CCR3: variants seen among roughly 807,000 people sequenced by gnomAD.
CCR3 encodes the protein C-C chemokine receptor type 3.
For missense variants in CCR3, 419 were observed against 437.5 expected (o/e 0.96, Z 0.38); for synonymous variants, 203 against 179.2 (o/e 1.13, Z -1.06).
At chr3:46,217,846 C>A (rs1230551510) in intron 2 of CCR3, among the ~76,000 whole-genome samples, 1 of 151,602 alleles carries the variant, frequency 6.6e-6, no homozygotes, top group Non-Finnish European at 1.5e-5. Flanking sequence ...TAGCATTAAA[C>A]CCCTACATCA....
chr3:46,240,535 C>T (rs1021290859), upstream of CCR3, among the ~76,000 whole-genome samples: 1 of 152,156 alleles, frequency 6.6e-6, no homozygotes, highest in Non-Finnish European at 1.5e-5. Context: ...CCCTTCAGCC[C>T]ACATGGTCCT....
chr3:46,258,274 A>C (rs7652290), intron 1 of CCR3, among the ~76,000 whole-genome samples: 7 of 152,036 alleles, frequency 4.6e-5, no homozygotes, highest in African/African-American at 1.7e-4. Flanking sequence ...TTAATTTCCA[A>C]ATAAAGATAA....
chr3:46,216,316 C>T (rs1323337306), intron 2 of CCR3, among the ~76,000 whole-genome samples: 1 of 152,138 alleles, frequency 6.6e-6, no homozygotes, highest in Non-Finnish European at 1.5e-5. Context: ...GTACTATGTA[C>T]ACACTGCACA....
At chr3:46,217,642 G>A (rs1019342488) in intron 2 of CCR3, among the ~76,000 whole-genome samples, 1 of 151,982 alleles carries the variant, frequency 6.6e-6, no homozygotes, top group Non-Finnish European at 1.5e-5. Context: ...AATAAAATTG[G>A]AAATTAAAAG....
chr3:46,248,563 A>T (rs960837064), intron 1 of CCR3, among the ~76,000 whole-genome samples: 1 of 152,168 alleles, frequency 6.6e-6, no homozygotes, highest in Non-Finnish European at 1.5e-5. Flanking sequence ...GATTAATCGG[A>T]CAGGATCAGC....
At chr3:46,218,343 A>C (rs1699799165) in intron 2 of CCR3, among the ~76,000 whole-genome samples, 1 of 152,044 alleles carries the variant, frequency 6.6e-6, no homozygotes, top group Non-Finnish European at 1.5e-5. Flanking sequence ...TGCCAACAAA[A>C]AAAAAAAGTC....
At chr3:46,251,127 C>T (rs575013915) in intron 1 of CCR3, among the ~76,000 whole-genome samples, 14 of 152,038 alleles carry the variant, frequency 9.2e-5, no homozygotes, top group Non-Finnish European at 1.9e-4. Flanking sequence ...GAGGTACTTG[C>T]CCCTTTCCCA....
chr3:46,220,230 T>C (rs912187695), intron 2 of CCR3, among the ~76,000 whole-genome samples: 21 of 151,854 alleles, frequency 1.4e-4, no homozygotes, highest in Non-Finnish European at 3.1e-4. Context: ...AACAAACATA[T>C]GAAAAAATGC....
At chr3:46,254,588 A>G (rs533975941) in intron 1 of CCR3, among the ~76,000 whole-genome samples, 1 of 152,068 alleles carries the variant, frequency 6.6e-6, no homozygotes, top group South Asian at 2.1e-4. Context: ...CCATCACCTG[A>G]GCAGTGTGTA....
chr3:46,236,720 A>G (rs1700028951), intron 2 of CCR3, among the ~76,000 whole-genome samples: 1 of 152,238 alleles, frequency 6.6e-6, no homozygotes, highest in Non-Finnish European at 1.5e-5. Context: ...GGAGAGAGGC[A>G]GCACATAGTG....
chr3:46,262,693 C>T (rs756340880), intron 1 of CCR3, among the ~76,000 whole-genome samples: 7 of 152,008 alleles, frequency 4.6e-5, no homozygotes, highest in Admixed American at 2.0e-4. Flanking sequence ...GTCTGGCTGT[C>T]GCCCAGGCTG....
At chr3:46,251,300 G>A (rs986137965) in intron 1 of CCR3, among the ~76,000 whole-genome samples, 7 of 152,076 alleles carry the variant, frequency 4.6e-5, no homozygotes, top group Admixed American at 3.9e-4. Flanking sequence ...GGAGTTTTGG[G>A]TCCATGGATA....
chr3:46,266,135 G>A lies in CCR3; in HGVS notation c.977G>A (p.Arg326Lys). 1 of 1,614,114 alleles carries A rather than the reference G, an allele frequency of 6.2e-7. No homozygotes were observed. The highest frequency in any genetic ancestry group is 8.5e-7 in the Non-Finnish European group (1 of 1,179,998). The change falls in exon 2 of 2, where the codon AGA becomes AAA. Residue 326 changes from arginine to lysine, a missense_variant. Arg to Lys is a conservative substitution (Grantham distance 26). Transcript: ENST00000395940. ...FHRHLLMHLG[R>K]YIPFLPSEKL... ...AGGCACTTGCTCATGCACCTGGGCA[G>A]ATACATCCCATTCCTTCCTAGTGAG...
intron 2 of CCR3, among the ~76,000 whole-genome samples, chr3:46,226,643 A>C (rs1699899871): frequency 6.6e-6 from 1 of 151,890 alleles, no homozygotes. Context: ...CCTTTTATTT[A>C]TTTTTCTTGT....
chr3:46,238,284 A>G (rs556906971), upstream of CCR3, among the ~76,000 whole-genome samples: 1 of 151,954 alleles, frequency 6.6e-6, no homozygotes, highest in South Asian at 2.1e-4. Flanking sequence ...TCTAGTAAGT[A>G]TGTAGTTGTA....
intron 1 of CCR3, among the ~76,000 whole-genome samples, chr3:46,248,927 G>C (rs1700252619): frequency 6.6e-6 from 1 of 152,202 alleles, no homozygotes; most frequent in African/African-American, 2.4e-5. Context: ...TGTAAGGCTT[G>C]TCTGGTTTTA....
chr3:46,217,817 G>A (rs575666017), intron 2 of CCR3, among the ~76,000 whole-genome samples: 63 of 151,940 alleles, frequency 4.1e-4, no homozygotes, highest in African/African-American at 1.5e-3. Flanking sequence ...AGCAAAAGCG[G>A]TGCTAAGAGG....
chr3:46,243,218 C>T (rs1331216840), intron 1 of CCR3, among the ~76,000 whole-genome samples: 4 of 151,808 alleles, frequency 2.6e-5, no homozygotes, highest in East Asian at 1.9e-4. Context: ...GCATACAGAG[C>T]GCTTCATTCA....
chr3:46,262,457 C>G (rs1408913102), intron 1 of CCR3, among the ~76,000 whole-genome samples: 1 of 152,080 alleles, frequency 6.6e-6, no homozygotes, highest in Non-Finnish European at 1.5e-5. Flanking sequence ...GTGATTTTTA[C>G]TTTCGTTTTT....
Sources: gnomAD v4.1 joint callset for allele counts (sites outside exome capture counted in the v4.1 genomes callset) on GRCh38, gnomAD v4.1.1 for gene constraint, MANE v1.5 for transcripts, NCBI Gene and HGNC (gene_info 2026-07-23, HGNC 2026-07-21) for gene names.